The following DSCC1 variants were observed in gnomAD, a reference collection of about 807,000 sequenced individuals.
The protein encoded by DSCC1 is DNA replication and sister chromatid cohesion 1.
A neutral mutation model predicts 48.2 loss-of-function variants in DSCC1; 32 were observed. The ratio of observed to expected loss-of-function variants is 0.66; its 90% confidence interval spans 0.50 to 0.89. DSCC1 has a LOEUF of 0.89. Ranked by LOEUF, DSCC1 falls within the 40% of genes least tolerant of loss-of-function variation. The pLI is 0.00. For synonymous variants in DSCC1, 150 were observed against 171.5 expected (o/e 0.87, Z 0.98); for missense variants, 421 against 471.7 (o/e 0.89, Z 1.00).
Position 119,836,891 on chromosome 8 carries a change from C to A in DSCC1, c.1073+1368G>T, listed in dbSNP as rs116149357. On this transcript the variant is annotated intron_variant, in intron 8 of 8. Transcript: ENST00000313655. The stretch of plus-strand genomic sequence containing the variant: ...ACATCAACAAAAGAGATGGTTTTCT[C>A]CCCTCTCATCCAAGGAAGAGGGGAG... Among the ~76,000 whole-genome samples the A allele has an allele frequency of 9.1e-3, 1,378 of 152,184 alleles. 20 individuals are homozygous for A. The highest frequency in any genetic ancestry group is 0.032 in the African/African-American group (1,314 of 41,522).
intron 2 of DSCC1, among the ~76,000 whole-genome samples, chr8:119,852,310 C>A (rs1826952316): frequency 6.6e-6 from 1 of 152,172 alleles, no homozygotes; most frequent in Admixed American, 6.5e-5. Context: ...ATGAACTAAA[C>A]CAACTTCAAA....
intron 4 of DSCC1, among the ~76,000 whole-genome samples, chr8:119,846,382 C>T (rs1239815673): frequency 6.6e-6 from 1 of 151,876 alleles, no homozygotes; most frequent in Non-Finnish European, 1.5e-5. Flanking sequence ...AAAGTGCTGG[C>T]ATTACAGGCA....
At chr8:119,843,289 C>T (rs1429362885) in intron 5 of DSCC1, among the ~76,000 whole-genome samples, 2 of 151,880 alleles carry the variant, frequency 1.3e-5, no homozygotes, top group Non-Finnish European at 2.9e-5. Context: ...GGGGTTTCAC[C>T]GTGTTGGCCA....
rs57333747 is a variant in DSCC1 at position 119,838,224 on chromosome 8, C to T, written c.1073+35G>A. The T allele has an allele frequency of 2.0e-3, 3,066 of 1,506,440 alleles. 50 individuals carry two copies. In the African/African-American group the frequency reaches 0.038, roughly 19 times the overall value. 93.3% of individuals were successfully genotyped at this position (1,506,440 alleles called of 1,614,324 possible). ...GCTGTGCCATTGACTATAAAAAGAACGACCCTCAAAATCCGTCTTTAATAA... is the reference window on the plus strand; with the variant it reads ...GCTGTGCCATTGACTATAAAAAGAATGACCCTCAAAATCCGTCTTTAATAA... On this transcript the variant is annotated intron_variant, in intron 8 of 8. Transcript: ENST00000313655.
At chr8:119,849,116 C>T (rs1157849687) in intron 3 of DSCC1, among the ~76,000 whole-genome samples, 6 of 140,868 alleles carry the variant, frequency 4.3e-5, no homozygotes, top group South Asian at 2.4e-4. Context: ...ACCCGGGAGG[C>T]GGAGCTTGCA....
chr8:119,846,113 CTT>C (rs531156237), intron 4 of DSCC1, among the ~76,000 whole-genome samples: 13,137 of 117,420 alleles, frequency 0.11, 1,004 homozygotes, highest in African/African-American at 0.26. Context: ...TGTCTAAGGA[CTT>C]TTTTTTTTTT....
intron 8 of DSCC1, among the ~76,000 whole-genome samples, chr8:119,836,587 C>G (rs1394566623): frequency 6.6e-6 from 1 of 151,916 alleles, no homozygotes; most frequent in Non-Finnish European, 1.5e-5. Context: ...GTGCTGTTAA[C>G]TGTGTTAAGG....
At position 119,842,772 on chromosome 8, in the gene DSCC1, T is replaced by C. The variant is rs1252273143; in HGVS notation, c.769+4A>G. On this transcript the variant is annotated splice_donor_region_variant and intron_variant, in intron 6 of 8. Transcript: ENST00000313655. ...GTTAAATGAGAATACTTTCCAAATC[T>C]TACCTTCATCTACATATTTCTTCCC... The C allele has an allele frequency of 6.2e-7, 1 of 1,606,916 alleles. No individual in the cohort carries two copies. Among genetic ancestry groups the C allele is most frequent in the East Asian group, 2.2e-5 (1 of 44,722 alleles).
At chr8:119,851,495 CT>C (rs1826943131) in intron 2 of DSCC1, among the ~76,000 whole-genome samples, 1 of 152,186 alleles carries the variant, frequency 6.6e-6, no homozygotes, top group Non-Finnish European at 1.5e-5. Flanking sequence ...TTGTGGTATG[CT>C]TTTGTGTGCT....
intron 3 of DSCC1, among the ~76,000 whole-genome samples, chr8:119,847,901 G>A (rs985157542): frequency 6.6e-6 from 1 of 151,970 alleles, no homozygotes; most frequent in African/African-American, 2.4e-5. Context: ...CCGACCTCAG[G>A]TGATCTGCCC....
chr8:119,840,913 AAAAT>A (rs150750856), intron 7 of DSCC1, among the ~76,000 whole-genome samples: 1,671 of 152,062 alleles, frequency 0.011, 27 homozygotes, highest in African/African-American at 0.037. Context: ...CTCAGTCTCA[AAAAT>A]AAATAAATAA....
Position 119,838,240 on chromosome 8 carries a change from T to A in DSCC1, c.1073+19A>T, listed in dbSNP as rs370275866. Reference sequence around the variant, plus strand: ...TAAAAAGAACGACCCTCAAAATCCGTCTTTAATAAATTACTTACTGAATAT... The same window carrying A: ...TAAAAAGAACGACCCTCAAAATCCGACTTTAATAAATTACTTACTGAATAT... On this transcript the variant is annotated intron_variant, in intron 8 of 8. Transcript: ENST00000313655. 4 of 1,535,358 alleles carry A rather than the reference T, an allele frequency of 2.6e-6. No homozygotes were observed. The highest frequency in any genetic ancestry group is 3.5e-6 in the Non-Finnish European group (4 of 1,147,288).
chr8:119,839,375 C>T (rs1279351468), intron 7 of DSCC1: 1 of 152,252 alleles, frequency 6.6e-6, no homozygotes, highest in Non-Finnish European at 1.5e-5. Context: ...ACTGAGGCAT[C>T]AGCTTTGATT....
rs539841340 is a variant in DSCC1 at position 119,836,659 on chromosome 8, C to G, written c.1073+1600G>C. Among the ~76,000 whole-genome samples the G allele has an allele frequency of 3.3e-5, 5 of 151,990 alleles. No individual in the cohort carries two copies. The South Asian group carries it at 8.3e-4, about 25-fold the overall frequency. ...AAGCTTGAAATTCCTATTGGATATC[C>G]AACTGGAAAGGTAAATTAAGCAACT... On this transcript the variant is annotated intron_variant, in intron 8 of 8. Coordinates refer to ENST00000313655, the MANE Select transcript of DSCC1 (RefSeq NM_024094.3).
chr8:119,843,119 AT>A (rs11341051), intron 5 of DSCC1, among the ~76,000 whole-genome samples: 33,900 of 138,940 alleles, frequency 0.24, 3,939 homozygotes, highest in African/African-American at 0.39. Flanking sequence ...GTTTTATTTT[AT>A]TTTTTTTTTT....
rs748656539 is a variant in DSCC1 at position 119,855,735 on chromosome 8, CGGCCGCATTCAGCTT to C, written c.46_60del (p.Lys16_Ala20del). 1 of 1,576,004 alleles carries C rather than the reference CGGCCGCATTCAGCTT, an allele frequency of 6.3e-7. No individual in the cohort carries two copies. Among genetic ancestry groups the C allele is most frequent in the Non-Finnish European group, 8.6e-7 (1 of 1,161,242 alleles). ...AGGCAGTGCACCGCCGGCAGCAGCTCGGCCGCATTCAGCTTGGCGATCTGCAGCGTCGCATCCACC... is the reference window on the plus strand; with the variant it reads ...AGGCAGTGCACCGCCGGCAGCAGCTCGGCGATCTGCAGCGTCGCATCCACC... On this transcript the variant is annotated inframe_deletion, in exon 1 of 9. Coordinates refer to ENST00000313655, the MANE Select transcript of DSCC1 (RefSeq NM_024094.3).
chr8:119,838,464 G>A (rs1826719403), intron 7 of DSCC1, 57 bp from the exon 8 acceptor site: 3 of 1,454,126 alleles, frequency 2.1e-6, no homozygotes, highest in Admixed American at 5.3e-5. Flanking sequence ...GTTTAAACAT[G>A]ACTCATTCTT....
At chr8:119,849,563 T>C (rs1418849858) in intron 3 of DSCC1, among the ~76,000 whole-genome samples, 1 of 152,080 alleles carries the variant, frequency 6.6e-6, no homozygotes, top group African/African-American at 2.4e-5. Flanking sequence ...AGACAGAAAG[T>C]TTATTAGTGG....
At chr8:119,838,719 C>T (rs1826722443) in intron 7 of DSCC1, 1 of 199,638 alleles carries the variant, frequency 5.0e-6, no homozygotes, top group African/African-American at 2.3e-5. Context: ...CGTGTTAGCC[C>T]TCTATTTTCT....
Sources: gnomAD v4.1 joint callset for allele counts (sites outside exome capture counted in the v4.1 genomes callset) on GRCh38, gnomAD v4.1.1 for gene constraint, MANE v1.5 for transcripts, NCBI Gene and HGNC (gene_info 2026-07-23, HGNC 2026-07-21) for gene names.